Variants in SIPA1L1 observed in about 807,000 individuals in gnomAD.
SIPA1L1 encodes signal induced proliferation associated 1 like 1.
SIPA1L1 carries 26 observed loss-of-function variants against 162.7 expected under a neutral mutation model. That is an observed-to-expected ratio of 0.16 (90% CI 0.12 to 0.22). The LOEUF is 0.22. SIPA1L1 is among the 10% of genes least tolerant of loss of function. The pLI, the probability that SIPA1L1 is intolerant of heterozygous loss-of-function variation, is 1.00. For missense variants in SIPA1L1, 1,874 were observed against 2,241.0 expected, an observed-to-expected ratio of 0.84 and a Z score of 3.31; for synonymous variants, 829 against 837.4, an observed-to-expected ratio of 0.99 and a Z score of 0.17.
At chr14:71,454,835 G>T (rs540961650) in intron 2 of SIPA1L1, among the ~76,000 whole-genome samples, 20 of 152,282 alleles carry the variant, frequency 1.3e-4, no homozygotes, top group African/African-American at 4.6e-4. Flanking sequence ...ATAAGCTCTG[G>T]CTCTGTCTAC....
At position 71,685,381 on chromosome 14, in the gene SIPA1L1, C is replaced by G. The variant is rs373993939; in HGVS notation, c.3124C>G (p.Arg1042Gly). The change falls in exon 13 of 24, where the codon CGC becomes GGC. Residue 1042 changes from arginine (R) to glycine (G), a missense_variant. By Grantham distance (125) the Arg-to-Gly change is moderately radical (BLOSUM62 -2). Coordinates refer to ENST00000381232, the MANE Select transcript of SIPA1L1 (RefSeq NM_001386936.1). ...TPRRSCSETY[R>G]MPVMEYKMNE... ...TAATAGGAGTTGCTCTGAAACCTAC[C>G]GCATGCCAGTGATGGAGTACAAAAT... 2.5e-6 allele frequency: 4 copies of G among 1,614,046 alleles called. No individual in the cohort carries two copies. The highest frequency in any genetic ancestry group is 3.4e-6 in the Non-Finnish European group (4 of 1,179,992).
chr14:71,495,578 G>T (rs1022370862), intron 2 of SIPA1L1, among the ~76,000 whole-genome samples: 13 of 151,694 alleles, frequency 8.6e-5, no homozygotes, highest in African/African-American at 3.1e-4. Context: ...CTTTTTCAAA[G>T]AACCAGCTTT....
At chr14:71,697,926 TAAAAAAACAAA>T (rs1315794509) in intron 13 of SIPA1L1, among the ~76,000 whole-genome samples, 1 of 134,460 alleles carries the variant, frequency 7.4e-6, no homozygotes, top group East Asian at 2.5e-4. Flanking sequence ...ACTGTCTTAT[TAAAAAAACAAA>T]AAAAAAACCA....
At chr14:71,334,796 C>T (rs183573867) in intron 2 of SIPA1L1, among the ~76,000 whole-genome samples, 225 of 152,102 alleles carry the variant, frequency 1.5e-3, no homozygotes, top group Non-Finnish European at 2.5e-3. Flanking sequence ...TACTTTTTTT[C>T]AGGCAGGTGA....
At chr14:71,426,443 A>G (rs778743232) in intron 2 of SIPA1L1, among the ~76,000 whole-genome samples, 29 of 147,508 alleles carry the variant, frequency 2.0e-4, no homozygotes, top group Non-Finnish European at 3.7e-4. Context: ...TAGGAATTAC[A>G]TTTAACATTC....
At chr14:71,660,350 T>G (rs1055638404) in intron 9 of SIPA1L1, among the ~76,000 whole-genome samples, 28 of 152,272 alleles carry the variant, frequency 1.8e-4, no homozygotes, top group Admixed American at 5.2e-4. Flanking sequence ...TGCTTTCAAA[T>G]TCCTGAGGTT....
At chr14:71,393,213 T>C (rs1194307234) in intron 2 of SIPA1L1, among the ~76,000 whole-genome samples, 1 of 152,190 alleles carries the variant, frequency 6.6e-6, no homozygotes, top group Admixed American at 6.5e-5. Context: ...TTAATAGTAC[T>C]CCTTAAAAAT....
At chr14:71,709,804 C>T (rs900615489) in intron 17 of SIPA1L1, 140 bp downstream of exon 17, 2 of 655,576 alleles carry the variant, frequency 3.1e-6, no homozygotes, top group Non-Finnish European at 5.1e-6. Context: ...ATGTTTAATG[C>T]CCTTTATTTG....
At chr14:71,607,382 C>A (rs1016292526) in intron 5 of SIPA1L1, among the ~76,000 whole-genome samples, 1 of 151,804 alleles carries the variant, frequency 6.6e-6, no homozygotes, top group Non-Finnish European at 1.5e-5. Context: ...TTATTCCATG[C>A]ACTTTAAAAC....
At chr14:71,728,404 A>G (rs2084435690) in intron 19 of SIPA1L1, among the ~76,000 whole-genome samples, 1 of 152,262 alleles carries the variant, frequency 6.6e-6, no homozygotes, top group African/African-American at 2.4e-5. Flanking sequence ...AGACAAGTAC[A>G]TACGTACCTT....
intron 2 of SIPA1L1, among the ~76,000 whole-genome samples, chr14:71,324,510 C>T (rs1420385315): frequency 2.0e-5 from 3 of 152,090 alleles, no homozygotes; most frequent in African/African-American, 7.2e-5. Context: ...AGGAAACGAA[C>T]GATCTGTGGT....
At chr14:71,327,033 C>T (rs1448509819) in intron 2 of SIPA1L1, among the ~76,000 whole-genome samples, 2 of 149,780 alleles carry the variant, frequency 1.3e-5, no homozygotes, top group East Asian at 4.0e-4. Flanking sequence ...TTTTTGGGCT[C>T]ATTGCCTTTC....
chr14:71,719,740 G>C (rs2083548253), intron 17 of SIPA1L1, among the ~76,000 whole-genome samples: 1 of 152,142 alleles, frequency 6.6e-6, no homozygotes, highest in African/African-American at 2.4e-5. Flanking sequence ...TGATCTGCCT[G>C]CCTTGGCCCC....
At chr14:71,707,549 T>G (rs1305800152) in intron 16 of SIPA1L1, among the ~76,000 whole-genome samples, 1 of 152,232 alleles carries the variant, frequency 6.6e-6, no homozygotes, top group Non-Finnish European at 1.5e-5. Flanking sequence ...ACAAATGAAA[T>G]TATACAATAT....
At chr14:71,654,373 G>A (rs916971751) in intron 8 of SIPA1L1, among the ~76,000 whole-genome samples, 4 of 152,112 alleles carry the variant, frequency 2.6e-5, no homozygotes, top group Non-Finnish European at 4.4e-5. Flanking sequence ...CCACCAAGCA[G>A]TTTGTTATTT....
At chr14:71,593,813 A>G (rs540926441) in intron 5 of SIPA1L1, among the ~76,000 whole-genome samples, 1 of 152,268 alleles carries the variant, frequency 6.6e-6, no homozygotes, top group South Asian at 2.1e-4. Flanking sequence ...CCACTGATCA[A>G]CAGTGTTGAT....
At chr14:71,472,882 G>A (rs2142274327) in intron 2 of SIPA1L1, among the ~76,000 whole-genome samples, 1 of 149,664 alleles carries the variant, frequency 6.7e-6, no homozygotes, top group Non-Finnish European at 1.5e-5. Context: ...GTCTTACTTG[G>A]TCACCCAGGC....
intron 20 of SIPA1L1, among the ~76,000 whole-genome samples, chr14:71,731,299 C>T (rs962425552): frequency 2.6e-5 from 4 of 152,162 alleles, no homozygotes; most frequent in Non-Finnish European, 5.9e-5. Context: ...ACCCTGCTCG[C>T]CCCAAGGATC....
At chr14:71,630,042 A>G (rs577236894) in intron 7 of SIPA1L1, among the ~76,000 whole-genome samples, 1 of 152,344 alleles carries the variant, frequency 6.6e-6, no homozygotes, top group Admixed American at 6.5e-5. Context: ...AATGATCCAT[A>G]GGGGAAATAT....
Sources: gnomAD v4.1 joint callset for allele counts (sites outside exome capture counted in the v4.1 genomes callset) on GRCh38, gnomAD v4.1.1 for gene constraint, MANE v1.5 for transcripts, NCBI Gene and HGNC (gene_info 2026-07-23, HGNC 2026-07-21) for gene names.